The following STXBP5L variants were observed in gnomAD, a reference collection of about 807,000 sequenced individuals.
STXBP5L encodes syntaxin-binding protein 5-like.
STXBP5L carries 65 observed loss-of-function variants against 144.5 expected under a neutral mutation model. The ratio of observed to expected loss-of-function variants is 0.45; its 90% CI spans 0.37 to 0.55. The LOEUF (loss-of-function observed/expected upper bound fraction) is 0.55. Among genes scored for constraint, STXBP5L ranks in the 20% least tolerant of loss-of-function variants. The probability of loss-of-function intolerance (pLI) is 0.00; values close to 1 mark genes in which losing one functional copy is unlikely to be tolerated. For missense variants in STXBP5L, 1,298 were observed against 1,405.5 expected, an observed-to-expected ratio of 0.92 and a Z score of 1.22; for synonymous variants, 505 against 469.6, an observed-to-expected ratio of 1.08 and a Z score of -0.97.
intron 3 of STXBP5L, among the ~76,000 whole-genome samples, chr3:121,039,056 A>T (rs575117301): frequency 6.6e-6 from 1 of 152,038 alleles, no homozygotes; most frequent in East Asian, 1.9e-4. Context: ...CTTTTCTCAC[A>T]ATCACTGCAT....
At chr3:121,043,723 A>AACAT (rs1947316979) in intron 4 of STXBP5L, among the ~76,000 whole-genome samples, 1 of 152,072 alleles carries the variant, frequency 6.6e-6, no homozygotes, top group East Asian at 1.9e-4. Context: ...CAAACAAACA[A>AACAT]ACAAAAAAAG....
At chr3:121,363,353 C>A (rs1392910321) in intron 20 of STXBP5L, among the ~76,000 whole-genome samples, 1 of 152,228 alleles carries the variant, frequency 6.6e-6, no homozygotes, top group African/African-American at 2.4e-5. Flanking sequence ...ATGCCCTACA[C>A]TGTCTTTCAA....
chr3:121,299,277 G>C (rs2051790572), intron 19 of STXBP5L, among the ~76,000 whole-genome samples: 1 of 152,116 alleles, frequency 6.6e-6, no homozygotes, highest in Non-Finnish European at 1.5e-5. Flanking sequence ...AATTAAGCTG[G>C]TGATGTTTTT....
chr3:121,053,534 G>A (rs1012211357), intron 5 of STXBP5L, among the ~76,000 whole-genome samples: 1 of 152,186 alleles, frequency 6.6e-6, no homozygotes, highest in African/African-American at 2.4e-5. Context: ...AAACTGGCTA[G>A]ACATGTGTAG....
intron 5 of STXBP5L, among the ~76,000 whole-genome samples, chr3:121,093,672 T>A (rs945019517): frequency 6.6e-6 from 1 of 152,168 alleles, no homozygotes; most frequent in Admixed American, 6.5e-5. Context: ...TTTTTTTCTT[T>A]ATTAGTCTTG....
At chr3:120,989,170 C>T (rs927921737) in intron 3 of STXBP5L, among the ~76,000 whole-genome samples, 11 of 152,160 alleles carry the variant, frequency 7.2e-5, no homozygotes, top group African/African-American at 2.4e-4. Flanking sequence ...CTCTTCCTTT[C>T]GGTAGGTACC....
chr3:121,212,470 A>C (rs1417380865), intron 10 of STXBP5L, among the ~76,000 whole-genome samples: 1 of 152,168 alleles, frequency 6.6e-6, no homozygotes, highest in Non-Finnish European at 1.5e-5. Context: ...TTAAATGGGG[A>C]ATCCTTTCCC....
At chr3:121,097,438 G>A (rs114079786) in intron 5 of STXBP5L, among the ~76,000 whole-genome samples, 2,205 of 152,322 alleles carry the variant, frequency 0.014, 55 homozygotes, top group African/African-American at 0.05. Flanking sequence ...GGGCCCTGGT[G>A]GGGTAGGCAC....
chr3:121,217,056 C>T (rs1183645813), intron 10 of STXBP5L, among the ~76,000 whole-genome samples: 3 of 152,156 alleles, frequency 2.0e-5, no homozygotes, highest in African/African-American at 4.8e-5. Context: ...CTTCCCAGAT[C>T]GACCTCAGAC....
chr3:121,091,590 T>C (rs943947564), intron 5 of STXBP5L, among the ~76,000 whole-genome samples: 3 of 152,226 alleles, frequency 2.0e-5, no homozygotes, highest in African/African-American at 7.2e-5. Flanking sequence ...TTGAGAAGTG[T>C]ATGTTCATGT....
intron 3 of STXBP5L, among the ~76,000 whole-genome samples, chr3:121,034,856 C>T (rs1946646101): frequency 6.6e-6 from 1 of 152,154 alleles, no homozygotes; most frequent in South Asian, 2.1e-4. Context: ...TGTAAGTGTT[C>T]CCTTTCCTCC....
intron 10 of STXBP5L, among the ~76,000 whole-genome samples, chr3:121,206,911 T>A (rs753737950): frequency 3.3e-5 from 5 of 152,216 alleles, no homozygotes; most frequent in Admixed American, 6.5e-5. Flanking sequence ...ATTACCATAA[T>A]AAATCTTGCC....
chr3:121,007,289 A>T (rs1944405273), intron 3 of STXBP5L, among the ~76,000 whole-genome samples: 1 of 151,950 alleles, frequency 6.6e-6, no homozygotes, highest in South Asian at 2.1e-4. Context: ...TTGATCACTG[A>T]GGATTTTGTT....
At chr3:121,097,195 G>A (rs1054897990) in intron 5 of STXBP5L, among the ~76,000 whole-genome samples, 1 of 152,156 alleles carries the variant, frequency 6.6e-6, no homozygotes, top group African/African-American at 2.4e-5. Flanking sequence ...AAGCTCAATT[G>A]TCCCAGGTTG....
intron 3 of STXBP5L, among the ~76,000 whole-genome samples, chr3:121,030,636 A>T (rs1057166601): frequency 1.3e-5 from 2 of 152,068 alleles, no homozygotes; most frequent in African/African-American, 4.8e-5. Flanking sequence ...TATGTAACAA[A>T]CCAGCACGTT....
intron 5 of STXBP5L, among the ~76,000 whole-genome samples, chr3:121,085,499 T>G (rs1360088864): frequency 6.6e-6 from 1 of 152,048 alleles, no homozygotes; most frequent in Non-Finnish European, 1.5e-5. Flanking sequence ...AAAATAAATG[T>G]GCAAAAATCA....
chr3:121,046,248 T>C (rs992658940), intron 5 of STXBP5L, among the ~76,000 whole-genome samples: 54 of 152,316 alleles, frequency 3.5e-4, no homozygotes, highest in Middle Eastern at 3.4e-3. Context: ...TTTCACGTGC[T>C]GCAGGATTCA....
chr3:121,342,098 C>T (rs2044735574), intron 20 of STXBP5L, among the ~76,000 whole-genome samples: 1 of 151,616 alleles, frequency 6.6e-6, no homozygotes. Context: ...TGTCATGTAC[C>T]CCATAAATAT....
At chr3:121,183,344 A>G (rs990543107) in intron 9 of STXBP5L, among the ~76,000 whole-genome samples, 11 of 152,186 alleles carry the variant, frequency 7.2e-5, no homozygotes, top group African/African-American at 1.2e-4. Context: ...GAAAAGAGGA[A>G]CTCAAACTGT....
Sources: allele counts gnomAD v4.1 joint callset (sites outside exome capture counted in the v4.1 genomes callset), GRCh38; gene constraint gnomAD v4.1.1; transcripts MANE v1.5; gene names NCBI Gene and HGNC (gene_info 2026-07-23, HGNC 2026-07-21).